MYT1: variants seen among roughly 807,000 people sequenced by gnomAD.
The protein encoded by MYT1 is myelin transcription factor I.
A neutral mutation model predicts 123.0 loss-of-function variants in MYT1; 23 were observed. The ratio of observed to expected loss-of-function variants is 0.19; its 90% CI spans 0.13 to 0.26. The LOEUF (loss-of-function observed/expected upper bound fraction) is 0.26, where lower values mean the gene tolerates loss of function less well. Ranked by LOEUF, MYT1 falls within the 10% of genes least tolerant of loss-of-function variation. MYT1 has a pLI of 1.00. For missense variants in MYT1, 1,125 were observed against 1,472.5 expected (o/e 0.76, Z 3.86); for synonymous variants, 518 against 575.3 (o/e 0.90, Z 1.43).
rs1982797129 is a variant in MYT1 at position 64,186,241 on chromosome 20, A to G, written c.-98-3822A>G. On this transcript the variant is annotated intron_variant, in intron 1 of 22. Coordinates refer to ENST00000328439, the MANE Select transcript of MYT1 (RefSeq NM_004535.3). The surrounding 1 kb of genome is among the most constrained non-coding windows in gnomAD (Gnocchi z 4.3). Reference sequence around the variant, plus strand: ...AGCAGGCAGGACTCCAGGTGCAAAGATGCCGGGTCCCTAGAGAGGGGTCCC... The same window carrying G: ...AGCAGGCAGGACTCCAGGTGCAAAGGTGCCGGGTCCCTAGAGAGGGGTCCC... 6.6e-6 allele frequency among the ~76,000 whole-genome samples: 1 copy of G among 152,172 alleles called. No homozygotes were observed. The highest frequency in any genetic ancestry group is 1.5e-5 in the Non-Finnish European group (1 of 68,028).
intron 21 of MYT1, among the ~76,000 whole-genome samples, chr20:64,237,770 A>G (rs1374241341): frequency 1.3e-5 from 2 of 152,182 alleles, no homozygotes; most frequent in African/African-American, 4.8e-5. Flanking sequence ...TGTGAGTACC[A>G]GTGGTCCATG....
At chr20:64,201,481 G>A (rs1319302975) in intron 4 of MYT1, among the ~76,000 whole-genome samples, 3 of 152,192 alleles carry the variant, frequency 2.0e-5, no homozygotes, top group South Asian at 2.1e-4. Flanking sequence ...GCAATGTGAT[G>A]CTTAGAGTAA....
At chr20:64,182,939 G>GT (rs1287719350) in intron 1 of MYT1, among the ~76,000 whole-genome samples, 1 of 152,204 alleles carries the variant, frequency 6.6e-6, no homozygotes, top group Non-Finnish European at 1.5e-5. Context: ...CAATTCAGTG[G>GT]TTTTAGCGTA....
intron 3 of MYT1, 63 bp from the exon 4 acceptor site, chr20:64,199,829 A>T: frequency 6.4e-7 from 1 of 1,559,466 alleles, no homozygotes; most frequent in Non-Finnish European, 8.8e-7. Flanking sequence ...TTATGCTGTT[A>T]GGGCAATGAG....
At chr20:64,235,446 G>T (rs1984486701) in intron 19 of MYT1, among the ~76,000 whole-genome samples, 1 of 140,716 alleles carries the variant, frequency 7.1e-6, no homozygotes, top group Non-Finnish European at 1.5e-5. Flanking sequence ...GGGTGACCCT[G>T]GGATGGCCGC....
intron 1 of MYT1, among the ~76,000 whole-genome samples, chr20:64,176,507 C>G (rs2145692634): frequency 6.6e-6 from 1 of 151,536 alleles, no homozygotes; most frequent in Non-Finnish European, 1.5e-5. Flanking sequence ...ATCTTTCCTG[C>G]TCCCTGGTAG....
chr20:64,206,808 G>A (rs1327558570), intron 6 of MYT1, among the ~76,000 whole-genome samples: 1 of 152,236 alleles, frequency 6.6e-6, no homozygotes, highest in Non-Finnish European at 1.5e-5. Context: ...GTAGGTGGAT[G>A]GCAGGGCCCA....
intron 21 of MYT1, among the ~76,000 whole-genome samples, chr20:64,238,014 T>C (rs1046607199): frequency 3.9e-5 from 6 of 152,278 alleles, no homozygotes; most frequent in African/African-American, 1.4e-4. Flanking sequence ...GTAAGTGCCG[T>C]CGATGAGAGC....
intron 1 of MYT1, among the ~76,000 whole-genome samples, chr20:64,172,741 CTT>C (rs33943131): frequency 2.1e-4 from 20 of 95,552 alleles, no homozygotes; most frequent in East Asian, 6.5e-4. Context: ...GCCATACCCT[CTT>C]TTTTTTTTTT....
At chr20:64,220,323 T>C (rs986634511) in intron 13 of MYT1, among the ~76,000 whole-genome samples, 1 of 152,064 alleles carries the variant, frequency 6.6e-6, no homozygotes, top group African/African-American at 2.4e-5. Context: ...CAGGAGTTGA[T>C]TGGGGAAAAG....
chr20:64,177,378 A>AG (rs1191410052), intron 1 of MYT1, among the ~76,000 whole-genome samples: 3 of 150,554 alleles, frequency 2.0e-5, no homozygotes, highest in Non-Finnish European at 3.0e-5. Context: ...GATTCCAGAG[A>AG]GGAAAAAAAA....
At position 64,196,269 on chromosome 20, in the gene MYT1, T is replaced by C. The variant is rs1983116406; in HGVS notation, c.1-2593T>C. Among the ~76,000 whole-genome samples the C allele has an allele frequency of 6.6e-6, 1 of 152,038 alleles. No homozygotes were observed. Among genetic ancestry groups the C allele is most frequent in the South Asian group, 2.1e-4 (1 of 4,804 alleles). ...GTCATTGTGTGGTGGGGGCAGAAGG[T>C]CTGGGGGGCTGCCGTCCAGGGATCA... is the stretch of plus-strand genomic sequence containing the variant. On this transcript the variant is annotated intron_variant, in intron 2 of 22. Transcript: ENST00000328439. This position sits in a 1 kb window ranked among gnomAD's most constrained non-coding sequence, Gnocchi z 4.3.
Position 64,231,965 on chromosome 20 carries a change from G to A in MYT1, c.2676-199G>A, listed in dbSNP as rs182019444. On this transcript the variant is annotated intron_variant, in intron 18 of 22. Coordinates refer to ENST00000328439, the MANE Select transcript of MYT1 (RefSeq NM_004535.3). This position sits in a 1 kb window ranked among gnomAD's most constrained non-coding sequence, Gnocchi z 6.4. ...GTGAGGCCAAAGCGGAAGAGGGAGC[G>A]TGGCCCGGGTCTTCACACTCAGCCC... Among the ~76,000 whole-genome samples, 2 of 152,278 alleles carry A rather than the reference G, an allele frequency of 1.3e-5. No homozygotes were observed. Among genetic ancestry groups the A allele is most frequent in the Admixed American group, 6.5e-5 (1 of 15,308 alleles).
At chr20:64,210,299 G>C (rs2145718452) in intron 7 of MYT1, among the ~76,000 whole-genome samples, 1 of 152,376 alleles carries the variant, frequency 6.6e-6, no homozygotes, top group East Asian at 1.9e-4. Flanking sequence ...TGGGCTGTGA[G>C]TGTCTGTGCA....
chr20:64,208,166 A>G lies in MYT1; in HGVS notation c.970A>G (p.Lys324Glu), dbSNP rs13041967. ...AGACACCTCTCACACCTCTGCCCAGAAGGCCCCTGAGCTCCGGGGCCCAGA... is the reference window on the plus strand; with the variant it reads ...AGACACCTCTCACACCTCTGCCCAGGAGGCCCCTGAGCTCCGGGGCCCAGA... ...QEDTSHTSAQKAPELRGPESP... is the reference protein window; with the variant it reads ...QEDTSHTSAQEAPELRGPESP... Residue 324 changes from lysine (K) to glutamate (E), a missense_variant, in exon 7 of 23, where the codon AAG becomes GAG. Lys to Glu is a moderately conservative substitution (Grantham distance 56). Coordinates refer to ENST00000328439, the MANE Select transcript of MYT1 (RefSeq NM_004535.3). This position sits in a 1 kb window ranked among gnomAD's most constrained non-coding sequence, Gnocchi z 5.4. 3.7e-6 allele frequency: 6 copies of G among 1,613,572 alleles called. No homozygotes were observed. The African/African-American group carries it at 8.0e-5, about 22-fold the overall frequency.
At position 64,186,954 on chromosome 20, in the gene MYT1, G is replaced by A. The variant is rs1422624364; in HGVS notation, c.-98-3109G>A. Among the ~76,000 whole-genome samples, 6 of 145,320 alleles carry A rather than the reference G, an allele frequency of 4.1e-5. No homozygotes were observed. Among genetic ancestry groups the A allele is most frequent in the Admixed American group, 6.8e-5 (1 of 14,710 alleles). On this transcript the variant is annotated intron_variant, in intron 1 of 22. Transcript: ENST00000328439. The surrounding 1 kb of genome is among the most constrained non-coding windows in gnomAD (Gnocchi z 4.3). ...GAGTTTTCCTGTAGCACGTGGCTCC[G>A]GCATCCACGTTTCCGTGGAGAGTTT...
chr20:64,212,341 G>A lies in MYT1; in HGVS notation c.1517+203G>A, dbSNP rs760318264. On this transcript the variant is annotated intron_variant, in intron 9 of 22. Transcript: ENST00000328439. The surrounding 1 kb of genome is among the most constrained non-coding windows in gnomAD (Gnocchi z 6.8). ...GCCGTGAGCCCGTGACCTGGGACGG[G>A]GCTCTGGCCTGCCTGGGGCTCCCTG... 5.9e-5 allele frequency among the ~76,000 whole-genome samples: 9 copies of A among 152,154 alleles called. No individual in the cohort carries two copies. The highest frequency in any genetic ancestry group is 8.8e-5 in the Non-Finnish European group (6 of 68,018).
At chr20:64,237,475 A>G in intron 21 of MYT1, 85 bp downstream of exon 21, 2 of 1,074,854 alleles carry the variant, frequency 1.9e-6, no homozygotes, top group Non-Finnish European at 1.4e-6. Flanking sequence ...ATCCGTCGGC[A>G]CTCATCAAGG....
chr20:64,217,146 G>C lies in MYT1; in HGVS notation c.1711G>C (p.Ala571Pro). Residue 571 changes from alanine (A) to proline (P), a missense_variant, in exon 11 of 23, where the codon GCC becomes CCC. Coordinates refer to ENST00000328439, the MANE Select transcript of MYT1 (RefSeq NM_004535.3). ...CAACGTGGCCCCCGCCACACCCAGG[G>C]CCAACTTGGCCAAGGAGCTGGAGAA... Reference protein sequence around the residue: ...RPNVAPATPRANLAKELEKFS... With the variant: ...RPNVAPATPRPNLAKELEKFS... 6.2e-7 allele frequency: 1 copy of C among 1,614,226 alleles called. No homozygotes were observed. The highest frequency in any genetic ancestry group is 8.5e-7 in the Non-Finnish European group (1 of 1,180,044).
Sources: gnomAD v4.1 joint callset for allele counts (sites outside exome capture counted in the v4.1 genomes callset) on GRCh38, gnomAD v4.1.1 for gene constraint, Gnocchi (gnomAD v3.1) non-coding constraint, MANE v1.5 for transcripts, NCBI Gene and HGNC (gene_info 2026-07-23, HGNC 2026-07-21) for gene names.